The following RMI1 variants were observed in gnomAD, a reference collection of about 807,000 sequenced individuals.
RMI1 encodes the protein RecQ mediated genome instability 1, also known as recQ-mediated genome instability protein 1.
A neutral mutation model predicts 46.7 loss-of-function variants in RMI1; 36 were observed. That is an observed-to-expected ratio of 0.77 (90% CI 0.59 to 1.02). The LOEUF (loss-of-function observed/expected upper bound fraction) is 1.02. Among genes scored for constraint, RMI1 ranks in the 50% least tolerant of loss-of-function variants. The pLI, the probability that RMI1 is intolerant of heterozygous loss-of-function variation, is 0.00. For synonymous variants in RMI1, 250 were observed against 252.9 expected, an observed-to-expected ratio of 0.99 and a Z score of 0.11; for missense variants, 676 against 713.7, an observed-to-expected ratio of 0.95 and a Z score of 0.60.
At position 84,001,831 on chromosome 9, in the gene RMI1, A is replaced by C; in HGVS notation, c.845A>C (p.Gln282Pro). 1 of 1,614,122 alleles carries C rather than the reference A, an allele frequency of 6.2e-7. No homozygotes were observed. The highest frequency in any genetic ancestry group is 8.5e-7 in the Non-Finnish European group (1 of 1,179,970). The change falls in exon 3 of 3, where the codon CAG becomes CCG. Residue 282 changes from glutamine (Q) to proline (P), a missense_variant. Physicochemically the swap from Gln to Pro is moderately conservative, Grantham distance 76. Transcript: ENST00000445877. ...GSSSNTIPTR[Q>P]SSFEPEFVIS... ...TCCTCAAATACCATTCCCACAAGAC[A>C]GTCAAGTTTTGAGCCAGAATTTGTT...
At chr9:84,000,129 C>T (rs1206747791) in intron 2 of RMI1, among the ~76,000 whole-genome samples, 1 of 152,102 alleles carries the variant, frequency 6.6e-6, no homozygotes, top group African/African-American at 2.4e-5. Flanking sequence ...TAAATTAGAA[C>T]TATTGCACAT....
intron 1 of RMI1, among the ~76,000 whole-genome samples, chr9:83,984,919 C>A (rs754429530): frequency 5.9e-5 from 9 of 152,172 alleles, no homozygotes; most frequent in Non-Finnish European, 1.2e-4. Context: ...TTATTATTTT[C>A]TTGGACAGTG....
chr9:84,001,288 C>T lies in RMI1; in HGVS notation c.302C>T (p.Ser101Phe). Residue 101 changes from serine to phenylalanine, a missense_variant, in exon 3 of 3, where the codon TCC becomes TTC. Transcript: ENST00000445877. ...SLVDVSQPAY[S>F]QIQKLRGKNT... ...GTTGATGTAAGTCAGCCTGCATACT[C>T]CCAGATACAGAAGTTGAGAGGAAAG... 6.2e-7 allele frequency: 1 copy of T among 1,614,060 alleles called. No homozygotes were observed. The highest frequency in any genetic ancestry group is 8.5e-7 in the Non-Finnish European group (1 of 1,179,994).
At chr9:83,994,125 C>A (rs528633705) in intron 1 of RMI1, among the ~76,000 whole-genome samples, 1 of 152,006 alleles carries the variant, frequency 6.6e-6, no homozygotes, top group South Asian at 2.1e-4. Flanking sequence ...AGCTCTTTGC[C>A]CATTTTCAAA....
intron 1 of RMI1, among the ~76,000 whole-genome samples, chr9:83,987,587 C>T (rs1230373803): frequency 6.6e-6 from 1 of 152,064 alleles, no homozygotes; most frequent in Non-Finnish European, 1.5e-5. Flanking sequence ...AACCACCAAC[C>T]ACCACCATCG....
upstream of RMI1, chr9:83,980,401 G>A (rs1329383507): frequency 3.7e-4 from 57 of 152,808 alleles, no homozygotes; most frequent in South Asian, 2.1e-4. Flanking sequence ...GGCCACTAAG[G>A]GCTCGAGAAA....
At chr9:83,990,542 T>C (rs1184203272) in intron 1 of RMI1, among the ~76,000 whole-genome samples, 1 of 151,716 alleles carries the variant, frequency 6.6e-6, no homozygotes, top group Non-Finnish European at 1.5e-5. Context: ...GAATAAGTTC[T>C]AGTGTTTGAT....
intron 1 of RMI1, among the ~76,000 whole-genome samples, chr9:83,998,801 T>C (rs1957696296): frequency 6.6e-6 from 1 of 152,194 alleles, no homozygotes; most frequent in Admixed American, 6.5e-5. Flanking sequence ...ATTTCAGTAA[T>C]TTCAGAGCAG....
intron 1 of RMI1, among the ~76,000 whole-genome samples, chr9:83,982,679 C>CA (rs1957435213): frequency 1.3e-5 from 2 of 148,966 alleles, no homozygotes; most frequent in African/African-American, 5.0e-5. Context: ...AAAACAAAAA[C>CA]AAAAACAAAA....
At chr9:83,994,832 A>T (rs1957626485) in intron 1 of RMI1, among the ~76,000 whole-genome samples, 1 of 152,002 alleles carries the variant, frequency 6.6e-6, no homozygotes, top group South Asian at 2.1e-4. Flanking sequence ...CATTTTTGTT[A>T]TCTTATATTT....
At position 84,002,461 on chromosome 9, in the gene RMI1, T is replaced by TCGA; in HGVS notation, c.1476_1477insGAC (p.Val492_Tyr493insAsp). ...ATGGATTTGTATTCTCCACCCTTTG[T>TCGA]CTATTTGTCTGTTCTAATGGCCAGC... On this transcript the variant is annotated inframe_insertion, in exon 3 of 3. Transcript: ENST00000445877. 6.2e-7 allele frequency: 1 copy of TCGA among 1,613,964 alleles called. No individual in the cohort carries two copies. The highest frequency in any genetic ancestry group is 8.5e-7 in the Non-Finnish European group (1 of 1,179,946).
chr9:83,999,038 T>TCCCA (rs1957699862), intron 1 of RMI1, among the ~76,000 whole-genome samples: 1 of 151,856 alleles, frequency 6.6e-6, no homozygotes, highest in Non-Finnish European at 1.5e-5. Flanking sequence ...CTACTGGGGA[T>TCCCA]GCTGAGGCAG....
intron 1 of RMI1, among the ~76,000 whole-genome samples, chr9:83,998,632 A>G (rs1449797722): frequency 1.3e-5 from 2 of 152,214 alleles, no homozygotes; most frequent in African/African-American, 4.8e-5. Flanking sequence ...TTTCTCAGAC[A>G]TGTGCTGCAT....
chr9:83,992,055 T>C (rs547923389), intron 1 of RMI1, among the ~76,000 whole-genome samples: 19 of 152,366 alleles, frequency 1.2e-4, no homozygotes, highest in African/African-American at 4.3e-4. Context: ...GCATTGAATC[T>C]ATAGATGAAT....
chr9:84,001,401 C>T lies in RMI1; in HGVS notation c.415C>T (p.Leu139=), dbSNP rs1957734566. 1 of 1,613,928 alleles carries T rather than the reference C, an allele frequency of 6.2e-7. No homozygotes were observed. The highest frequency in any genetic ancestry group is 1.3e-5 in the African/African-American group (1 of 74,900). Residue 139 remains leucine (L), a synonymous_variant, in exon 3 of 3, where the codon CTA becomes TTA. Coordinates refer to ENST00000445877, the MANE Select transcript of RMI1 (RefSeq NM_001358291.2). ...AKPSRMLMLQ[L]TDGIVQIQGM... is the part of the protein sequence containing the mutation. ...GCCTTCACGAATGTTGATGCTGCAG[C>T]TAACTGATGGAATCGTACAAATACA...
chr9:83,980,769 G>A (rs1284804360), upstream of RMI1: 1 of 152,510 alleles, frequency 6.6e-6, no homozygotes, highest in South Asian at 2.1e-4. Context: ...AGGGGCGCGA[G>A]CGCGCGGCAA....
chr9:84,002,771 A>T lies in RMI1; in HGVS notation c.1785A>T (p.Ser595=). The change falls in exon 3 of 3, where the codon TCA becomes TCT. Residue 595 remains serine, a synonymous_variant. Transcript: ENST00000445877. ...LIDLCCLMTI[S]FNPSLSKAMV... is the part of the protein sequence containing the mutation. The stretch of plus-strand genomic sequence containing the variant: ...ATTTGTGCTGTCTAATGACTATTTC[A>T]TTTAATCCTTCCTTGTCTAAAGCAA... 1 of 1,613,064 alleles carries T rather than the reference A, an allele frequency of 6.2e-7. No homozygotes were observed. Among genetic ancestry groups the T allele is most frequent in the Non-Finnish European group, 8.5e-7 (1 of 1,179,136 alleles).
chr9:83,991,646 G>A (rs1957575728), intron 1 of RMI1, among the ~76,000 whole-genome samples: 1 of 152,114 alleles, frequency 6.6e-6, no homozygotes, highest in African/African-American at 2.4e-5. Flanking sequence ...AAAACTTTTA[G>A]GAAACCAAGG....
intron 1 of RMI1, among the ~76,000 whole-genome samples, chr9:83,997,604 CTG>C (rs1287424911): frequency 1.3e-5 from 2 of 151,854 alleles, no homozygotes; most frequent in East Asian, 3.9e-4. Flanking sequence ...TTCTCCTCGT[CTG>C]TGCCACACAC....
Sources: gnomAD v4.1 joint callset for allele counts (sites outside exome capture counted in the v4.1 genomes callset) on GRCh38, gnomAD v4.1.1 for gene constraint, MANE v1.5 for transcripts, NCBI Gene and HGNC (gene_info 2026-07-23, HGNC 2026-07-21) for gene names.